The following GPC1 variants were observed in gnomAD, a reference collection of about 807,000 sequenced individuals.
The protein encoded by GPC1 is glypican 1, also known as glypican-1.
A neutral mutation model predicts 51.5 loss-of-function variants in GPC1; 26 were observed. The ratio of observed to expected loss-of-function variants is 0.50; its 90% CI spans 0.37 to 0.70. The LOEUF (loss-of-function observed/expected upper bound fraction) is 0.70. Among genes scored for constraint, GPC1 ranks in the 30% least tolerant of loss-of-function variants. The pLI is 0.00. For missense variants in GPC1, 775 were observed against 800.5 expected (o/e 0.97, Z 0.38); for synonymous variants, 380 against 348.3 (o/e 1.09, Z -1.01).
In GPC1 at chr2:240,463,330, G is replaced by T; in HGVS notation, c.718-17G>T. ...CCCAGGGCCTCGGGGCCTGGCTTAG[G>T]GTCCCTTGCTCCCCAGGTCCCCCTG... On this transcript the variant is annotated splice_polypyrimidine_tract_variant and intron_variant, in intron 3 of 8. Transcript: ENST00000264039. The T allele has an allele frequency of 6.2e-7, 1 of 1,611,220 alleles. No individual in the cohort carries two copies. Among genetic ancestry groups the T allele is most frequent in the Non-Finnish European group, 8.5e-7 (1 of 1,178,998 alleles).
intron 1 of GPC1, among the ~76,000 whole-genome samples, chr2:240,439,492 C>T (rs112041112): frequency 0.01 from 1,559 of 152,284 alleles, 22 homozygotes; most frequent in African/African-American, 0.034. Context: ...CCAGCTGGAG[C>T]GGGCACCAGC....
chr2:240,441,565 G>A (rs1258175521), intron 1 of GPC1, among the ~76,000 whole-genome samples: 14 of 152,246 alleles, frequency 9.2e-5, no homozygotes, highest in East Asian at 1.9e-4. Flanking sequence ...GCCCTGAGCC[G>A]GCCTGGATCT....
chr2:240,456,448 G>C (rs1017760432), intron 1 of GPC1: 3 of 381,868 alleles, frequency 7.9e-6, no homozygotes, highest in East Asian at 7.5e-5. Context: ...CAGCTCACTC[G>C]GTTCCTGTGG....
intron 1 of GPC1, chr2:240,456,682 A>G (rs755438242): frequency 6.5e-6 from 3 of 464,424 alleles, no homozygotes; most frequent in Non-Finnish European, 1.4e-5. Context: ...ACACCCTCGG[A>G]GAGACGCCTC....
chr2:240,453,415 C>T (rs2074123406), intron 1 of GPC1, among the ~76,000 whole-genome samples: 1 of 53,112 alleles, frequency 1.9e-5, no homozygotes, highest in Non-Finnish European at 3.5e-5. Flanking sequence ...CCGCCCGCCC[C>T]GCTCCCTCCG....
chr2:240,457,163 C>T (rs896094530), intron 1 of GPC1, among the ~76,000 whole-genome samples: 2 of 152,152 alleles, frequency 1.3e-5, no homozygotes, highest in African/African-American at 4.8e-5. Context: ...CCCCCTCTAG[C>T]TCAAGCCAGA....
rs1011628459 is a variant in GPC1, at chr2:240,466,622, A to C, written c.*332A>C. On this transcript the variant is annotated 3_prime_UTR_variant, in exon 9 of 9. Coordinates refer to ENST00000264039, the MANE Select transcript of GPC1 (RefSeq NM_002081.3). Reference sequence around the variant, plus strand: ...AGCAGCCCCTCGAGGCCTACAGAGGAGGCCTCAAAGCAACCCGCTGGAGCC... The same window carrying C: ...AGCAGCCCCTCGAGGCCTACAGAGGCGGCCTCAAAGCAACCCGCTGGAGCC... 6.7e-6 allele frequency: 2 copies of C among 298,312 alleles called. No homozygotes were observed. The highest frequency in any genetic ancestry group is 1.2e-5 in the Non-Finnish European group (2 of 161,524). 18.5% of individuals were successfully genotyped at this position (298,312 alleles called of 1,614,324 possible). A position where few individuals can be genotyped will look rare whatever the true frequency, so the allele number is the denominator to read the frequency against.
At chr2:240,460,593 G>A (rs1194101294) in intron 2 of GPC1, among the ~76,000 whole-genome samples, 2 of 152,184 alleles carry the variant, frequency 1.3e-5, no homozygotes, top group African/African-American at 4.8e-5. Flanking sequence ...TGGTGTCGCT[G>A]CCCTGCTCTG....
intron 1 of GPC1, chr2:240,458,338 T>G: frequency 3.7e-6 from 1 of 273,424 alleles, no homozygotes; most frequent in Admixed American, 4.0e-5. Flanking sequence ...CCGCTGTCAC[T>G]GCCTCGGACG....
chr2:240,464,495 A>T, intron 4 of GPC1, 121 bp from the exon 5 acceptor site: 1 of 1,354,056 alleles, frequency 7.4e-7, no homozygotes, highest in Non-Finnish European at 1.0e-6. Flanking sequence ...GGGATCTCCC[A>T]TGCTGACCCG....
intron 1 of GPC1, among the ~76,000 whole-genome samples, chr2:240,444,240 C>T (rs934588525): frequency 3.3e-5 from 5 of 152,226 alleles, no homozygotes; most frequent in African/African-American, 7.2e-5. Context: ...ACCACATGCC[C>T]GCCTGCTGTC....
At chr2:240,457,579 G>A (rs2074178388) in intron 1 of GPC1, 3 of 426,948 alleles carry the variant, frequency 7.0e-6, no homozygotes, top group East Asian at 7.4e-5. Flanking sequence ...GTAGGGCACT[G>A]CCTGCGCTGC....
rs1460975251 is a variant in GPC1, at chr2:240,466,287, G to A, written c.1674G>A (p.Arg558=). 7.7e-6 allele frequency: 12 copies of A among 1,560,316 alleles called. No individual in the cohort carries two copies. Among genetic ancestry groups the A allele is most frequent in the African/African-American group, 1.4e-5 (1 of 74,034 alleles). The stretch of plus-strand genomic sequence containing the variant: ...TTACAGTAGCCAGGCCCCGGTGGCG[G>A]TAACTGCCCCAAGGCCCCAGGGACA... ...LALTVARPRW[R] The change falls in exon 9 of 9, where the codon CGG becomes CGA. Residue 558 remains arginine (R), a synonymous_variant. Transcript: ENST00000264039.
Position 240,436,066 on chromosome 2 carries a change from C to T in GPC1, c.148C>T (p.Pro50Ser), listed in dbSNP as rs866512789. The T allele has an allele frequency of 1.5e-6, 2 of 1,317,646 alleles. No homozygotes were observed. The highest frequency in any genetic ancestry group is 1.9e-6 in the Non-Finnish European group (2 of 1,031,590). The allele number at this position is 1,317,646 out of a possible 1,614,324, so 81.6% of individuals were successfully genotyped here. The stretch of plus-strand genomic sequence containing the variant: ...CAAGGGCTTCAGCCTGAGCGACGTG[C>T]CCCAGGCGGAGATCTCGGGTGAGTG... Reference protein sequence around the residue: ...GAKGFSLSDVPQAEISGEHLR... With the variant: ...GAKGFSLSDVSQAEISGEHLR... Residue 50 changes from proline to serine, a missense_variant, in exon 1 of 9, where the codon CCC becomes TCC. Coordinates refer to ENST00000264039, the MANE Select transcript of GPC1 (RefSeq NM_002081.3).
Position 240,466,198 on chromosome 2 carries a change from A to G in GPC1, c.1585A>G (p.Thr529Ala). Residue 529 changes from threonine to alanine, a missense_variant, in exon 9 of 9, where the codon ACC (threonine) becomes GCC (alanine). Thr to Ala is a moderately conservative substitution (Grantham distance 58). Transcript: ENST00000264039. ...CCTGTCAGAGCAGGAAGGACAGAAG[A>G]CCTCGGCTGCCAGCTGCCCCCAGCC... ...PGLSEQEGQKTSAASCPQPPT... is the reference protein window; with the variant it reads ...PGLSEQEGQKASAASCPQPPT... The G allele has an allele frequency of 1.9e-6, 3 of 1,612,486 alleles. No individual in the cohort carries two copies. In the South Asian group the frequency reaches 3.3e-5, roughly 18 times the overall value.
In GPC1 at chr2:240,466,823, G is replaced by A. The variant is rs2074266007; in HGVS notation, c.*533G>A. The A allele has an allele frequency of 6.5e-6, 1 of 154,348 alleles. No individual in the cohort carries two copies. 9.6% of individuals were successfully genotyped at this position (154,348 alleles called of 1,614,324 possible). On this transcript the variant is annotated 3_prime_UTR_variant, in exon 9 of 9. Coordinates refer to ENST00000264039, the MANE Select transcript of GPC1 (RefSeq NM_002081.3). ...GATGATGCATGATGCCCTCCCCTCAGCGCAGGCTGCAGAGCCCGGCCCCAC... is the reference window on the plus strand; with the variant it reads ...GATGATGCATGATGCCCTCCCCTCAACGCAGGCTGCAGAGCCCGGCCCCAC...
intron 4 of GPC1, chr2:240,464,282 A>G: frequency 2.9e-6 from 1 of 342,810 alleles, no homozygotes; most frequent in Non-Finnish European, 5.6e-6. Context: ...AGCTGGACCA[A>G]GGTGAGCCAG....
intron 1 of GPC1, 25 bp from the exon 2 acceptor site, chr2:240,459,005 C>T (rs752221041): frequency 1.1e-5 from 17 of 1,608,470 alleles, no homozygotes; most frequent in South Asian, 7.7e-5. Flanking sequence ...CAGCCCCTCT[C>T]CCTCACACTG....
chr2:240,464,683 G>A lies in GPC1; in HGVS notation c.951G>A (p.Val317=), dbSNP rs775436823. 6.2e-7 allele frequency: 1 copy of A among 1,613,036 alleles called. No homozygotes were observed. The highest frequency in any genetic ancestry group is 1.1e-5 in the South Asian group (1 of 91,054). The change falls in exon 5 of 9, where the codon GTG becomes GTA. Residue 317 remains valine, a synonymous_variant. Transcript: ENST00000264039. ...GTGTGGAGAGTGTCATCGGCAGCGT[G>A]CACACGTGGCTGGCGGAGGCCATCA... is the stretch of plus-strand genomic sequence containing the variant. ...TSGVESVIGS[V]HTWLAEAINA...
Sources: gnomAD v4.1 joint callset for allele counts (sites outside exome capture counted in the v4.1 genomes callset) on GRCh38, gnomAD v4.1.1 for gene constraint, MANE v1.5 for transcripts, NCBI Gene and HGNC (gene_info 2026-07-23, HGNC 2026-07-21) for gene names.